KDM2A: variants seen among roughly 807,000 people sequenced by gnomAD.
KDM2A encodes lysine demethylase 2A.
A neutral mutation model predicts 137.3 loss-of-function variants in KDM2A; 3 were observed. The observed-to-expected ratio is 0.02, with a 90% confidence interval of 0.01 to 0.06. The LOEUF (loss-of-function observed/expected upper bound fraction) is 0.06, where lower values mean the gene tolerates loss of function less well. Among genes scored for constraint, KDM2A ranks in the 10% least tolerant of loss-of-function variants. The pLI is 1.00. For missense variants in KDM2A, 738 were observed against 1,510.6 expected (o/e 0.49, Z 8.48); for synonymous variants, 512 against 541.5 (o/e 0.95, Z 0.76).
chr11:67,152,173 C>A (rs114903352), intron 2 of KDM2A, among the ~76,000 whole-genome samples: 2 of 151,866 alleles, frequency 1.3e-5, no homozygotes, highest in African/African-American at 4.8e-5. Context: ...AAAAGCCAGG[C>A]GTGGTGGTGT....
At chr11:67,202,802 G>T (rs938494530) in intron 5 of KDM2A, among the ~76,000 whole-genome samples, 13 of 149,390 alleles carry the variant, frequency 8.7e-5, no homozygotes, top group African/African-American at 3.2e-4. Flanking sequence ...AGAAATTGTC[G>T]ACCCGAGAAA....
intron 19 of KDM2A, 98 bp downstream of exon 19, chr11:67,253,709 G>T: frequency 7.9e-7 from 1 of 1,272,728 alleles, no homozygotes; most frequent in Non-Finnish European, 1.1e-6. Flanking sequence ...CAGATATGAC[G>T]CTGTGGAAGA....
At chr11:67,235,589 C>T (rs1236054081) in intron 12 of KDM2A, among the ~76,000 whole-genome samples, 1 of 151,620 alleles carries the variant, frequency 6.6e-6, no homozygotes, top group Non-Finnish European at 1.5e-5. Context: ...AGGCGTGACA[C>T]CGCGCCCGGC....
At chr11:67,215,497 AATAG>A in intron 7 of KDM2A, 51 bp downstream of exon 7, 1 of 1,195,336 alleles carries the variant, frequency 8.4e-7, no homozygotes, top group Non-Finnish European at 1.2e-6. Flanking sequence ...AGACCAAAGC[AATAG>A]CAAGGATTGG....
intron 2 of KDM2A, among the ~76,000 whole-genome samples, chr11:67,131,763 T>A (rs1855860322): frequency 6.6e-6 from 1 of 152,292 alleles, no homozygotes; most frequent in South Asian, 2.1e-4. Context: ...CTGAATTAGA[T>A]AGCTATAAAT....
chr11:67,162,832 G>C (rs2136318115), intron 2 of KDM2A, among the ~76,000 whole-genome samples: 1 of 152,204 alleles, frequency 6.6e-6, no homozygotes, highest in South Asian at 2.1e-4. Context: ...TTCCACCTCA[G>C]CTTCCCAAGT....
intron 13 of KDM2A, among the ~76,000 whole-genome samples, chr11:67,244,535 A>C (rs1196747401): frequency 6.6e-6 from 1 of 152,170 alleles, no homozygotes; most frequent in East Asian, 1.9e-4. Context: ...GAATCTTAAC[A>C]GCTCTGCAAA....
At chr11:67,214,338 G>C (rs900767125) in intron 6 of KDM2A, among the ~76,000 whole-genome samples, 1 of 151,402 alleles carries the variant, frequency 6.6e-6, no homozygotes, top group East Asian at 2.0e-4. Flanking sequence ...CCGAGTAGCT[G>C]GGACTACGGG....
intron 5 of KDM2A, chr11:67,196,430 G>A (rs1449731739): frequency 6.6e-6 from 3 of 456,038 alleles, no homozygotes; most frequent in Non-Finnish European, 1.3e-5. Flanking sequence ...ATGAGCCACA[G>A]TGCTTGGCTG....
At chr11:67,216,515 C>T (rs919561769) in intron 8 of KDM2A, among the ~76,000 whole-genome samples, 1 of 152,132 alleles carries the variant, frequency 6.6e-6, no homozygotes, top group Non-Finnish European at 1.5e-5. Flanking sequence ...GAATTAATAC[C>T]CGAGGTTTAT....
chr11:67,247,823 T>C (rs1267800479), intron 15 of KDM2A, among the ~76,000 whole-genome samples: 3 of 152,220 alleles, frequency 2.0e-5, no homozygotes, highest in Non-Finnish European at 4.4e-5. Flanking sequence ...CCCAAAGAAT[T>C]GGTGAAATAG....
chr11:67,178,956 A>G (rs565696956), intron 2 of KDM2A, among the ~76,000 whole-genome samples: 1 of 152,318 alleles, frequency 6.6e-6, no homozygotes, highest in Admixed American at 6.5e-5. Flanking sequence ...ACTTTGTTTA[A>G]CTTTTTGAGA....
chr11:67,209,529 C>G (rs754826885), intron 6 of KDM2A, among the ~76,000 whole-genome samples: 3 of 151,666 alleles, frequency 2.0e-5, no homozygotes, highest in Non-Finnish European at 4.4e-5. Context: ...CTGCAGCCTC[C>G]GCCTCCCAGG....
At position 67,255,028 on chromosome 11, in the gene KDM2A, C is replaced by G. The variant is rs556876328; in HGVS notation, c.3462C>G (p.Asp1154Glu). ...LSINSLYCLS[D>E]EKLIQKIS ...TCAACAGCCTCTACTGCCTGTCTGA[C>G]GAGAAGCTGATACAGAAGATCAGCT... is the stretch of plus-strand genomic sequence containing the variant. Residue 1154 changes from aspartate (D) to glutamate (E), a missense_variant, in exon 21 of 21, where the codon GAC (aspartate) becomes GAG (glutamate). This residue lies in a region of KDM2A where 166 missense variants were observed against 324.0 expected (regional missense o/e 0.51). Coordinates refer to ENST00000529006, the MANE Select transcript of KDM2A (RefSeq NM_012308.3). The G allele has an allele frequency of 6.2e-7, 1 of 1,612,424 alleles. No individual in the cohort carries two copies. The highest frequency in any genetic ancestry group is 1.3e-5 in the African/African-American group (1 of 75,006).
chr11:67,175,156 A>G (rs1356568794), intron 2 of KDM2A, among the ~76,000 whole-genome samples: 1 of 152,174 alleles, frequency 6.6e-6, no homozygotes, highest in Non-Finnish European at 1.5e-5. Context: ...ATCCAGGGTT[A>G]CTGTGAGGAT....
chr11:67,253,709 G>A (rs1415163763), intron 19 of KDM2A, 98 bp downstream of exon 19: 6 of 1,272,724 alleles, frequency 4.7e-6, no homozygotes, highest in South Asian at 4.0e-5. Flanking sequence ...CAGATATGAC[G>A]CTGTGGAAGA....
rs1362660375 is a variant in KDM2A, at chr11:67,125,956, A to G, written c.42+4598A>G. On this transcript the variant is annotated intron_variant, in intron 2 of 20. Transcript: ENST00000529006. ...AGGCTTCACCTCAAAAAAAAAAAAA[A>G]AAAAAAAGGCCAGGCACAGTGTCTC... 3.3e-5 allele frequency among the ~76,000 whole-genome samples: 5 copies of G among 149,990 alleles called. No homozygotes were observed. The East Asian group carries it at 6.0e-4, about 18-fold the overall frequency.
intron 8 of KDM2A, 143 bp from the exon 9 acceptor site, chr11:67,217,588 C>A: frequency 1.4e-6 from 1 of 721,360 alleles, no homozygotes; most frequent in Non-Finnish European, 2.3e-6. Flanking sequence ...TAGGGTTTAC[C>A]ACATAGTCAA....
chr11:67,164,363 G>C (rs1212332725), intron 2 of KDM2A, among the ~76,000 whole-genome samples: 1 of 152,138 alleles, frequency 6.6e-6, no homozygotes, highest in African/African-American at 2.4e-5. Context: ...TTTTAGATGG[G>C]ATACTTAAAT....
Sources: allele counts gnomAD v4.1 joint callset (sites outside exome capture counted in the v4.1 genomes callset), GRCh38; gene constraint gnomAD v4.1.1; regional missense constraint gnomAD v4.1.1; transcripts MANE v1.5; gene names NCBI Gene and HGNC (gene_info 2026-07-23, HGNC 2026-07-21).